Variants in RARB observed in about 807,000 individuals in gnomAD.
RARB encodes retinoic acid receptor beta.
In RARB, 17 loss-of-function variants were observed where a neutral mutation model predicts 51.9. The observed-to-expected ratio is 0.33, with a 90% confidence interval of 0.22 to 0.49. The LOEUF (loss-of-function observed/expected upper bound fraction) is 0.49, where lower values mean the gene tolerates loss of function less well. Among genes scored for constraint, RARB ranks in the 20% least tolerant of loss-of-function variants. RARB has a pLI of 0.99. For synonymous variants in RARB, 215 were observed against 195.4 expected, an observed-to-expected ratio of 1.10 and a Z score of -0.84; for missense variants, 369 against 550.8, an observed-to-expected ratio of 0.67 and a Z score of 3.30.
intron 4 of RARB, among the ~76,000 whole-genome samples, chr3:25,153,691 A>G (rs563481299): frequency 1.3e-5 from 2 of 152,354 alleles, no homozygotes; most frequent in Non-Finnish European, 1.5e-5. Flanking sequence ...TACATTAACA[A>G]TGCATATTAT....
In RARB at chr3:24,908,663, G is replaced by GTTTTTTTTT. The variant is rs59008287; in HGVS notation, c.-380+49928_-380+49936dup. Among the ~76,000 whole-genome samples the GTTTTTTTTT allele has an allele frequency of 4.1e-4, 38 of 93,452 alleles. 4 individuals are homozygous for GTTTTTTTTT. Among genetic ancestry groups the GTTTTTTTTT allele is most frequent in the Non-Finnish European group, 5.9e-4 (29 of 49,250 alleles). The allele number at this position is 93,452 out of a possible 152,430, so 61.3% of individuals were successfully genotyped here. On this transcript the variant is annotated intron_variant, in intron 2 of 11. Transcript: ENST00000383772. ...TGTAATTCTTGAGGTAACCACAACTGTTTTTTTTTTTTTTTTTTTTTTTTT... is the reference window on the plus strand; with the variant it reads ...TGTAATTCTTGAGGTAACCACAACTGTTTTTTTTTTTTTTTTTTTTTTTTTTTTTTTTTT...
rs547823480 is a variant in RARB at position 24,914,780 on chromosome 3, C to T, written c.-380+56028C>T. The stretch of plus-strand genomic sequence containing the variant: ...ATTTTCAATCTGAAACTGGTTGAAT[C>T]CAAGGATGTGGAACTCGAGATACAG... On this transcript the variant is annotated intron_variant, in intron 2 of 11. Coordinates refer to the RARB transcript ENST00000383772. Among the ~76,000 whole-genome samples, 4 of 152,224 alleles carry T rather than the reference C, an allele frequency of 2.6e-5. No individual in the cohort carries two copies. The South Asian group carries it at 8.3e-4, about 32-fold the overall frequency.
chr3:24,876,081 C>A (rs905692846), intron 2 of RARB, among the ~76,000 whole-genome samples: 2 of 152,126 alleles, frequency 1.3e-5, no homozygotes, highest in Admixed American at 6.5e-5. Context: ...AAGTGATGTG[C>A]CCTTTTCAGG....
rs554142388 is a variant in RARB, at chr3:25,497,710, T to A, written c.307-3472T>A. On this transcript the variant is annotated intron_variant, in intron 2 of 7. Coordinates refer to ENST00000330688, the MANE Select transcript of RARB (RefSeq NM_000965.5). ...AACTCCTAATCCAGGGCTCGACCTA[T>A]GCTACCTCCACTCTCTCCTCTCAGG... 2.4e-4 allele frequency among the ~76,000 whole-genome samples: 36 copies of A among 152,320 alleles called. No homozygotes were observed. In the South Asian group the frequency reaches 5.2e-3, roughly 22 times the overall value.
At chr3:25,355,081 C>T (rs1705692694) in intron 5 of RARB, among the ~76,000 whole-genome samples, 1 of 152,074 alleles carries the variant, frequency 6.6e-6, no homozygotes. Context: ...ACTATTACTG[C>T]TTACCTTATA....
intron 3 of RARB, among the ~76,000 whole-genome samples, chr3:25,088,457 G>A (rs1294923614): frequency 6.6e-6 from 1 of 152,130 alleles, no homozygotes; most frequent in Non-Finnish European, 1.5e-5. Context: ...ATTGATGGCT[G>A]TGGGGTAGGG....
chr3:25,458,273 A>G (rs1370476019), intron 1 of RARB: 1 of 152,216 alleles, frequency 6.6e-6, no homozygotes, highest in Admixed American at 6.5e-5. Context: ...TAGGTTAAAC[A>G]AAGTCCTCAG....
At chr3:25,529,561 G>A (rs535510273) in intron 3 of RARB, among the ~76,000 whole-genome samples, 4 of 152,236 alleles carry the variant, frequency 2.6e-5, no homozygotes, top group African/African-American at 7.2e-5. Context: ...TGAAATGGAC[G>A]ATGGAGTTAC....
In RARB at chr3:25,400,955, C is replaced by G. The variant is rs1707247093; in HGVS notation, c.179-60238C>G. 2.0e-5 allele frequency among the ~76,000 whole-genome samples: 3 copies of G among 152,030 alleles called. No individual in the cohort carries two copies. In the South Asian group the frequency reaches 6.2e-4, roughly 32 times the overall value. On this transcript the variant is annotated intron_variant, in intron 5 of 11. Coordinates refer to the RARB transcript ENST00000383772. ...GGTATCAGAGATCTGCCAAAGCCTC[C>G]AAGATTTTGAGGGGTCAACCCCTCT...
intron 2 of RARB, among the ~76,000 whole-genome samples, chr3:25,053,240 C>T (rs921259509): frequency 6.6e-6 from 1 of 152,100 alleles, no homozygotes; most frequent in Non-Finnish European, 1.5e-5. Flanking sequence ...AACTTTATCC[C>T]TTCATACAAT....
At chr3:25,137,117 CT>C (rs1210563104) in intron 4 of RARB, among the ~76,000 whole-genome samples, 9 of 152,168 alleles carry the variant, frequency 5.9e-5, no homozygotes, top group Admixed American at 1.3e-4. Context: ...ATGCCGACTA[CT>C]AGCCCTATTA....
intron 2 of RARB, among the ~76,000 whole-genome samples, chr3:24,905,611 T>G (rs919147964): frequency 6.6e-6 from 1 of 152,228 alleles, no homozygotes; most frequent in African/African-American, 2.4e-5. Flanking sequence ...AGTTTGAGAT[T>G]GTAAGCATTT....
intron 3 of RARB, among the ~76,000 whole-genome samples, chr3:25,505,922 G>A (rs781150806): frequency 1.1e-4 from 16 of 152,076 alleles, no homozygotes; most frequent in African/African-American, 2.9e-4. Context: ...ACAAGCTTAC[G>A]GTATAGATAA....
At chr3:25,123,436 C>T (rs968735960) in intron 3 of RARB, among the ~76,000 whole-genome samples, 1 of 152,174 alleles carries the variant, frequency 6.6e-6, no homozygotes, top group African/African-American at 2.4e-5. Context: ...GTAACTACAC[C>T]CAGTGTTCTT....
intron 3 of RARB, among the ~76,000 whole-genome samples, chr3:25,521,962 G>T (rs1414716274): frequency 6.6e-6 from 1 of 151,926 alleles, no homozygotes; most frequent in Admixed American, 6.6e-5. Flanking sequence ...TGAACATAAT[G>T]TGCCAAGATT....
chr3:25,021,481 A>G (rs1213844518), intron 2 of RARB, among the ~76,000 whole-genome samples: 2 of 152,174 alleles, frequency 1.3e-5, no homozygotes, highest in Non-Finnish European at 2.9e-5. Flanking sequence ...ATCCCATGCT[A>G]ATGGGATCTG....
At chr3:24,979,159 G>T (rs1473552322) in intron 2 of RARB, among the ~76,000 whole-genome samples, 1 of 152,160 alleles carries the variant, frequency 6.6e-6, no homozygotes, top group Admixed American at 6.5e-5. Context: ...GCTGAGGAGT[G>T]TTTTACTTCC....
chr3:25,327,161 G>T (rs554604921), intron 5 of RARB, among the ~76,000 whole-genome samples: 3 of 152,156 alleles, frequency 2.0e-5, no homozygotes, highest in South Asian at 2.1e-4. Context: ...AGCCCAGAAC[G>T]TTTAACATTT....
chr3:25,078,416 T>G (rs972267565), intron 3 of RARB, among the ~76,000 whole-genome samples: 4 of 152,214 alleles, frequency 2.6e-5, no homozygotes, highest in Non-Finnish European at 4.4e-5. Context: ...ATTGACCATT[T>G]ACGTGTGGTT....
Sources: allele counts gnomAD v4.1 joint callset (sites outside exome capture counted in the v4.1 genomes callset), GRCh38; gene constraint gnomAD v4.1.1; transcripts MANE v1.5; gene names NCBI Gene and HGNC (gene_info 2026-07-23, HGNC 2026-07-21).